Variants in DDHD1 observed in about 807,000 individuals in gnomAD.
DDHD1 encodes the protein phospholipase DDHD1.
DDHD1 carries 49 observed loss-of-function variants against 96.4 expected under a neutral mutation model. The observed-to-expected ratio is 0.51, with a 90% CI of 0.40 to 0.64. DDHD1 has a LOEUF of 0.64. Ranked by LOEUF, DDHD1 falls within the 30% of genes least tolerant of loss-of-function variation. The pLI is 0.00. For synonymous variants in DDHD1, 442 were observed against 446.5 expected (o/e 0.99, Z 0.13); for missense variants, 1,106 against 1,161.2 (o/e 0.95, Z 0.69).
intron 6 of DDHD1, among the ~76,000 whole-genome samples, chr14:53,067,490 CT>C (rs1381363967): frequency 1.3e-5 from 2 of 149,750 alleles, no homozygotes; most frequent in African/African-American, 4.9e-5. Flanking sequence ...TGGAATCTCG[CT>C]CTGTCACCCA....
intron 4 of DDHD1, among the ~76,000 whole-genome samples, chr14:53,089,395 T>G (rs1456203946): frequency 6.6e-6 from 1 of 152,066 alleles, no homozygotes; most frequent in South Asian, 2.1e-4. Flanking sequence ...GGAGGCATCA[T>G]GCTAACTGAC....
At chr14:53,133,080 T>G (rs1438731993) in intron 1 of DDHD1, among the ~76,000 whole-genome samples, 1 of 152,196 alleles carries the variant, frequency 6.6e-6, no homozygotes, top group African/African-American at 2.4e-5. Context: ...AGCCCATCTC[T>G]TAGAACCTCT....
chr14:53,103,582 T>G lies in DDHD1; in HGVS notation c.1012+101A>C, dbSNP rs1349570256. The G allele has an allele frequency of 7.0e-6, 7 of 996,492 alleles. No individual in the cohort carries two copies. In the East Asian group the frequency reaches 1.7e-4, roughly 24 times the overall value. 61.7% of individuals were successfully genotyped at this position (996,492 alleles called of 1,614,324 possible). ...TTAAAAAAATCAAATTTTCTAATTC[T>G]AAACCTCCTGAATTATTATGTCAAA... On this transcript the variant is annotated intron_variant, in intron 2 of 12. Coordinates refer to ENST00000673822, the MANE Select transcript of DDHD1 (RefSeq NM_001160148.2).
intron 4 of DDHD1, among the ~76,000 whole-genome samples, chr14:53,086,574 A>T (rs199956940): frequency 1.3e-5 from 2 of 152,118 alleles, no homozygotes; most frequent in Admixed American, 6.5e-5. Context: ...TGAAGGAGAA[A>T]AAAATCTTTT....
chr14:53,113,833 G>T (rs1354727296), intron 1 of DDHD1, among the ~76,000 whole-genome samples: 1 of 152,130 alleles, frequency 6.6e-6, no homozygotes, highest in Admixed American at 6.6e-5. Context: ...AGCTGCAGGA[G>T]TTTTTTTCAA....
chr14:53,114,171 C>A (rs988880785), intron 1 of DDHD1, among the ~76,000 whole-genome samples: 12 of 152,234 alleles, frequency 7.9e-5, no homozygotes. Flanking sequence ...TCTCTAGATT[C>A]CTCCTCACTG....
At chr14:53,087,971 T>C (rs1362946596) in intron 4 of DDHD1, among the ~76,000 whole-genome samples, 1 of 151,874 alleles carries the variant, frequency 6.6e-6, no homozygotes, top group Non-Finnish European at 1.5e-5. Context: ...TAAAAAACGA[T>C]AAAAAGATTA....
At position 53,055,653 on chromosome 14, in the gene DDHD1, A is replaced by C. The variant is rs774518760; in HGVS notation, c.2245+7T>G. On this transcript the variant is annotated splice_region_variant and intron_variant, in intron 10 of 12. Transcript: ENST00000673822. The stretch of plus-strand genomic sequence containing the variant: ...TGCATAGATAAGGAATACATAAGAG[A>C]AATTACCTAATATGCTTGCTTTGCC... 7.4e-6 allele frequency: 12 copies of C among 1,613,678 alleles called. No individual in the cohort carries two copies. The highest frequency in any genetic ancestry group is 1.0e-5 in the Non-Finnish European group (12 of 1,179,662).
chr14:53,107,634 T>TA (rs1887789731), intron 1 of DDHD1, among the ~76,000 whole-genome samples: 1 of 152,100 alleles, frequency 6.6e-6, no homozygotes, highest in Non-Finnish European at 1.5e-5. Flanking sequence ...TTACTAAAAA[T>TA]ACAAAAATTA....
chr14:53,110,446 T>G (rs1888020946), intron 1 of DDHD1, among the ~76,000 whole-genome samples: 1 of 152,214 alleles, frequency 6.6e-6, no homozygotes, highest in South Asian at 2.1e-4. Flanking sequence ...TTCTGTATCT[T>G]GCATATGCTG....
chr14:53,062,185 TA>T (rs1318659397), intron 7 of DDHD1, among the ~76,000 whole-genome samples: 4 of 152,076 alleles, frequency 2.6e-5, no homozygotes, highest in Non-Finnish European at 5.9e-5. Context: ...TTTGACACTA[TA>T]ATATTTGTGT....
intron 1 of DDHD1, among the ~76,000 whole-genome samples, chr14:53,112,917 G>C (rs1031081648): frequency 1.3e-5 from 2 of 152,096 alleles, no homozygotes; most frequent in African/African-American, 4.8e-5. Flanking sequence ...ATATGTTACA[G>C]TCACTTGGTA....
chr14:53,043,392 A>AGTGTGTGTGTGTGTGTGTGT lies in DDHD1; in HGVS notation c.*3356_*3375dup, dbSNP rs59747041. Reference sequence around the variant, plus strand: ...CAAAAGAGCAGTTATTAGAACATCCAGTGTGTGTGTGTGTGTGTGTGTGTG... The same window carrying AGTGTGTGTGTGTGTGTGTGT: ...CAAAAGAGCAGTTATTAGAACATCCAGTGTGTGTGTGTGTGTGTGTGTGTGTGTGTGTGTGTGTGTGTGTG... On this transcript the variant is annotated 3_prime_UTR_variant, in exon 13 of 13. Transcript: ENST00000673822. The AGTGTGTGTGTGTGTGTGTGT allele has an allele frequency of 2.0e-4, 22 of 112,528 alleles. No individual in the cohort carries two copies. The highest frequency in any genetic ancestry group is 5.8e-4 in the African/African-American group (21 of 36,326). The allele number at this position is 112,528 out of a possible 1,614,324, so 7.0% of individuals were successfully genotyped here.
chr14:53,129,966 C>CT (rs1228214346), intron 1 of DDHD1, among the ~76,000 whole-genome samples: 3 of 152,220 alleles, frequency 2.0e-5, no homozygotes, highest in African/African-American at 7.2e-5. Context: ...TCCCTAGTCT[C>CT]TGCTCGCAAT....
chr14:53,153,157 C>A lies in DDHD1; in HGVS notation c.-59G>T. The A allele has an allele frequency of 7.8e-7, 1 of 1,285,950 alleles. No homozygotes were observed. Among genetic ancestry groups the A allele is most frequent in the Non-Finnish European group, 1.0e-6 (1 of 1,000,218 alleles). The allele number at this position is 1,285,950 out of a possible 1,614,324, so 79.7% of individuals were successfully genotyped here. A position where few individuals can be genotyped will look rare whatever the true frequency, so the allele number is the denominator to read the frequency against. ...GCGGAGCCGTGACCCCCAGCGCTTC[C>A]GCCACACATTCAACGCCGCCGCCCT... On this transcript the variant is annotated 5_prime_UTR_variant, in exon 1 of 13. The change creates a premature stop within an existing upstream ORF in the 5' untranslated region. Transcript: ENST00000673822.
chr14:53,091,262 A>G (rs1886407033), intron 4 of DDHD1, among the ~76,000 whole-genome samples: 1 of 152,226 alleles, frequency 6.6e-6, no homozygotes, highest in Non-Finnish European at 1.5e-5. Context: ...AAGTTTCAGG[A>G]TAAAGCTGAA....
At chr14:53,058,957 T>C (rs1332443448) in intron 8 of DDHD1, among the ~76,000 whole-genome samples, 1 of 152,198 alleles carries the variant, frequency 6.6e-6, no homozygotes, top group South Asian at 2.1e-4. Context: ...GTGATAGATA[T>C]AAAGACCAGT....
chr14:53,061,964 A>T (rs1883599577), intron 7 of DDHD1, among the ~76,000 whole-genome samples: 1 of 150,602 alleles, frequency 6.6e-6, no homozygotes, highest in Non-Finnish European at 1.5e-5. Flanking sequence ...AACCTGGAAG[A>T]CAAGAGGTTG....
chr14:53,062,802 T>A, intron 7 of DDHD1, 141 bp downstream of exon 7: 1 of 800,028 alleles, frequency 1.2e-6, no homozygotes, highest in South Asian at 2.2e-5. Flanking sequence ...GTCTCCAGCT[T>A]GATTAGGCAT....
Sources: allele counts gnomAD v4.1 joint callset (sites outside exome capture counted in the v4.1 genomes callset), GRCh38; gene constraint gnomAD v4.1.1; transcripts MANE v1.5; gene names NCBI Gene and HGNC (gene_info 2026-07-23, HGNC 2026-07-21).